Variants in DOCK2 observed in about 807,000 individuals in gnomAD.
DOCK2 encodes the protein dedicator of cytokinesis 2.
DOCK2 carries 87 observed loss-of-function variants against 248.9 expected under a neutral mutation model. The observed-to-expected ratio is 0.35, with a 90% confidence interval of 0.29 to 0.42. The LOEUF (loss-of-function observed/expected upper bound fraction) is 0.42. Among genes scored for constraint, DOCK2 ranks in the 10% least tolerant of loss-of-function variants. The probability of loss-of-function intolerance (pLI) is 1.00; values close to 1 mark genes in which losing one functional copy is unlikely to be tolerated. For synonymous variants in DOCK2, 805 were observed against 821.6 expected (o/e 0.98, Z 0.35); for missense variants, 1,747 against 2,300.2 (o/e 0.76, Z 4.92).
intron 6 of DOCK2, among the ~76,000 whole-genome samples, chr5:169,675,397 T>C (rs1759274169): frequency 6.6e-6 from 1 of 152,224 alleles, no homozygotes; most frequent in South Asian, 2.1e-4. Context: ...TGAGGACTTA[T>C]AGTTGGCTGG....
intron 32 of DOCK2, among the ~76,000 whole-genome samples, chr5:170,016,415 C>T (rs1755540522): frequency 6.6e-6 from 1 of 152,212 alleles, no homozygotes; most frequent in African/African-American, 2.4e-5. Context: ...TATGCAAACA[C>T]ATATGCATTT....
chr5:170,020,122 C>T (rs1490929790), intron 33 of DOCK2, among the ~76,000 whole-genome samples: 1 of 152,188 alleles, frequency 6.6e-6, no homozygotes, highest in Non-Finnish European at 1.5e-5. Flanking sequence ...CGGCTCCAGC[C>T]TTCTGAAGAA....
At chr5:170,079,969 G>T in intron 49 of DOCK2, 194 bp from the exon 50 acceptor site, 12 of 789,552 alleles carry the variant, frequency 1.5e-5, no homozygotes, top group Admixed American at 6.0e-5. Flanking sequence ...GCCTGTAGTT[G>T]TGTAGTGTGC....
chr5:169,753,893 T>A (rs1041556468), intron 23 of DOCK2, among the ~76,000 whole-genome samples: 32 of 152,164 alleles, frequency 2.1e-4, no homozygotes, highest in Non-Finnish European at 3.8e-4. Flanking sequence ...GTGACATCGT[T>A]TTTCCAGTTT....
intron 27 of DOCK2, among the ~76,000 whole-genome samples, chr5:169,960,729 T>C (rs1036171767): frequency 1.3e-5 from 2 of 152,232 alleles, no homozygotes; most frequent in Non-Finnish European, 2.9e-5. Context: ...GGTTTGTTAC[T>C]TGCAGTTAAT....
intron 24 of DOCK2, 32 bp from the exon 25 acceptor site, chr5:169,761,487 G>A: frequency 6.4e-7 from 1 of 1,570,370 alleles, no homozygotes; most frequent in Non-Finnish European, 8.8e-7. Context: ...GGTCTGCCTT[G>A]CTCTACCAGC....
At chr5:169,939,027 G>T (rs1433317853) in intron 27 of DOCK2, among the ~76,000 whole-genome samples, 1 of 150,668 alleles carries the variant, frequency 6.6e-6, no homozygotes, top group Non-Finnish European at 1.5e-5. Flanking sequence ...CCTTAGCCTC[G>T]GGAGTAGCTG....
At chr5:170,058,467 G>T (rs1417729812) in intron 44 of DOCK2, among the ~76,000 whole-genome samples, 1 of 151,992 alleles carries the variant, frequency 6.6e-6, no homozygotes, top group East Asian at 1.9e-4. Context: ...GATATATGAG[G>T]GATTGCTATT....
intron 33 of DOCK2, among the ~76,000 whole-genome samples, chr5:170,020,734 C>G (rs1198088786): frequency 6.6e-6 from 1 of 152,244 alleles, no homozygotes; most frequent in Non-Finnish European, 1.5e-5. Context: ...TACTATCCAG[C>G]CACCAGTATC....
intron 8 of DOCK2, among the ~76,000 whole-genome samples, chr5:169,688,256 C>G (rs990735440): frequency 2.6e-5 from 4 of 152,230 alleles, no homozygotes; most frequent in African/African-American, 7.2e-5. Context: ...ATGCATCCAG[C>G]TGTTTCCTGC....
At chr5:169,704,610 A>C (rs1295973640) in intron 14 of DOCK2, among the ~76,000 whole-genome samples, 1 of 152,188 alleles carries the variant, frequency 6.6e-6, no homozygotes, top group Non-Finnish European at 1.5e-5. Flanking sequence ...GGTTAAACAA[A>C]AGAGTAGGTA....
intron 1 of DOCK2, among the ~76,000 whole-genome samples, chr5:169,645,536 T>C (rs1757412691): frequency 1.3e-5 from 2 of 152,184 alleles, no homozygotes; most frequent in South Asian, 4.1e-4. Flanking sequence ...GTCAGATGAG[T>C]AGATTGCAAA....
chr5:169,910,420 AT>A (rs780546105), intron 27 of DOCK2, among the ~76,000 whole-genome samples: 33 of 152,158 alleles, frequency 2.2e-4, no homozygotes, highest in Non-Finnish European at 3.8e-4. Flanking sequence ...GTGCTGATTT[AT>A]TGCTTACTCT....
At chr5:170,070,309 A>G (rs1180679357) in intron 46 of DOCK2, among the ~76,000 whole-genome samples, 2 of 152,270 alleles carry the variant, frequency 1.3e-5, no homozygotes, top group Non-Finnish European at 2.9e-5. Context: ...TTGTTACTCT[A>G]GGGAAATCAG....
chr5:169,740,836 T>C (rs1443043559), intron 22 of DOCK2, among the ~76,000 whole-genome samples: 2 of 152,150 alleles, frequency 1.3e-5, no homozygotes, highest in South Asian at 4.1e-4. Context: ...ATGTGTTTTG[T>C]TTTTGTTTTT....
chr5:169,708,571 T>TTTC (rs1761408072), intron 15 of DOCK2, among the ~76,000 whole-genome samples: 1 of 150,934 alleles, frequency 6.6e-6, no homozygotes, highest in African/African-American at 2.4e-5. Context: ...CATTCTTCTT[T>TTTC]TTTTTTTTTT....
chr5:169,877,673 A>T (rs937801490), intron 27 of DOCK2, among the ~76,000 whole-genome samples: 29 of 151,756 alleles, frequency 1.9e-4, no homozygotes, highest in African/African-American at 5.8e-4. Context: ...ATAGATAGAT[A>T]GATTGATATA....
At chr5:169,828,526 C>T (rs1769019516) in intron 26 of DOCK2, among the ~76,000 whole-genome samples, 1 of 152,190 alleles carries the variant, frequency 6.6e-6, no homozygotes, top group Non-Finnish European at 1.5e-5. Flanking sequence ...CTGTATTAGT[C>T]ATCACTGAAT....
chr5:169,813,163 T>C (rs553307072), intron 26 of DOCK2, among the ~76,000 whole-genome samples: 2 of 152,346 alleles, frequency 1.3e-5, no homozygotes, highest in South Asian at 4.1e-4. Context: ...GAACCGAGTA[T>C]TAAATGTTTA....
Sources: allele counts gnomAD v4.1 joint callset (sites outside exome capture counted in the v4.1 genomes callset), GRCh38; gene constraint gnomAD v4.1.1; transcripts MANE v1.5; gene names NCBI Gene and HGNC (gene_info 2026-07-23, HGNC 2026-07-21).